Variants in VGLL4 observed in about 807,000 individuals in gnomAD.
The protein encoded by VGLL4 is transcription cofactor vestigial-like protein 4.
A neutral mutation model predicts 21.0 loss-of-function variants in VGLL4; 7 were observed. The ratio of observed to expected loss-of-function variants is 0.33; its 90% CI spans 0.19 to 0.63. The LOEUF (loss-of-function observed/expected upper bound fraction) is 0.63. VGLL4 is among the 20% of genes least tolerant of loss of function. The probability of loss-of-function intolerance (pLI) is 0.78; values close to 1 mark genes in which losing one functional copy is unlikely to be tolerated. For missense variants in VGLL4, 394 were observed against 425.7 expected (o/e 0.93, Z 0.66); for synonymous variants, 222 against 173.2 (o/e 1.28, Z -2.21).
intron 2 of VGLL4, among the ~76,000 whole-genome samples, chr3:11,576,280 T>C (rs1016855741): frequency 6.6e-6 from 1 of 152,216 alleles, no homozygotes; most frequent in African/African-American, 2.4e-5. Flanking sequence ...AAAACAGATG[T>C]GTCCCACATT....
intron 1 of VGLL4, among the ~76,000 whole-genome samples, chr3:11,614,188 T>C (rs1466965568): frequency 6.6e-6 from 1 of 152,226 alleles, no homozygotes; most frequent in African/African-American, 2.4e-5. Context: ...TCTCTGCCAA[T>C]GCATACTCAT....
upstream of VGLL4, among the ~76,000 whole-genome samples, chr3:11,645,427 A>G (rs2075774644): frequency 6.8e-6 from 1 of 146,700 alleles, no homozygotes; most frequent in Admixed American, 6.9e-5. Context: ...CGTCTCTACT[A>G]AAAATACAGA....
chr3:11,655,987 C>A (rs982020391), intron 2 of VGLL4, among the ~76,000 whole-genome samples: 1 of 152,186 alleles, frequency 6.6e-6, no homozygotes, highest in Non-Finnish European at 1.5e-5. Flanking sequence ...AGAATCTAAG[C>A]TGGGAACAGA....
rs761577206 is a variant in VGLL4 at position 11,568,557 on chromosome 3, G to C, written c.273-3538C>G. 3 of 1,552,040 alleles carry C rather than the reference G, an allele frequency of 1.9e-6. No homozygotes were observed. The South Asian group carries it at 3.6e-5, about 18-fold the overall frequency. Reference sequence around the variant, plus strand: ...AAGACACTGAAAACAGCGAGAAAAGGCCTGGAGAACTGGCTGGTTAATTTT... The same window carrying C: ...AAGACACTGAAAACAGCGAGAAAAGCCCTGGAGAACTGGCTGGTTAATTTT... On this transcript the variant is annotated intron_variant, in intron 2 of 4. Coordinates refer to ENST00000430365, the MANE Select transcript of VGLL4 (RefSeq NM_001128219.3). The surrounding 1 kb of genome is among the most constrained non-coding windows in gnomAD (Gnocchi z 5.9).
chr3:11,605,048 C>T lies in VGLL4; in HGVS notation c.83-3026G>A, dbSNP rs373874248. Among the ~76,000 whole-genome samples the T allele has an allele frequency of 1.0e-4, 9 of 88,408 alleles. No homozygotes were observed. The South Asian group carries it at 1.2e-3, about 12-fold the overall frequency. The allele number at this position is 88,408 out of a possible 152,430, so 58.0% of individuals were successfully genotyped here. A position where few individuals can be genotyped will look rare whatever the true frequency, so the allele number is the denominator to read the frequency against. Reference sequence around the variant, plus strand: ...CTGCTTTCCATCGCCCGCCACGCCCCCGCCCACCCCCAATCCTCCACAGCT... The same window carrying T: ...CTGCTTTCCATCGCCCGCCACGCCCTCGCCCACCCCCAATCCTCCACAGCT... On this transcript the variant is annotated intron_variant, in intron 1 of 4. Transcript: ENST00000430365.
rs1185996783 is a variant in VGLL4 at position 11,653,643 on chromosome 3, T to C, written c.64+49328A>G. Reference sequence around the variant, plus strand: ...TCGGAATGCATTTCTGTCGCACATGTACTCAGAAGCAGATACGCAGAAAGT... The same window carrying C: ...TCGGAATGCATTTCTGTCGCACATGCACTCAGAAGCAGATACGCAGAAAGT... On this transcript the variant is annotated intron_variant, in intron 2 of 5. Coordinates refer to the VGLL4 transcript ENST00000273038. The surrounding 1 kb of genome is among the most constrained non-coding windows in gnomAD (Gnocchi z 4.2). Among the ~76,000 whole-genome samples, 1 of 152,220 alleles carries C rather than the reference T, an allele frequency of 6.6e-6. No individual in the cohort carries two copies. Among genetic ancestry groups the C allele is most frequent in the Non-Finnish European group, 1.5e-5 (1 of 68,044 alleles).
chr3:11,589,363 T>C (rs2074432049), intron 2 of VGLL4, among the ~76,000 whole-genome samples: 1 of 152,126 alleles, frequency 6.6e-6, no homozygotes, highest in South Asian at 2.1e-4. Context: ...TTCTCTGGCC[T>C]CAGTGAATTT....
At chr3:11,667,538 T>C (rs2076144477) in intron 2 of VGLL4, among the ~76,000 whole-genome samples, 1 of 152,214 alleles carries the variant, frequency 6.6e-6, no homozygotes, top group African/African-American at 2.4e-5. Flanking sequence ...TATATCACCA[T>C]TTAGGACCTA....
intron 1 of VGLL4, among the ~76,000 whole-genome samples, chr3:11,632,077 C>T (rs923461670): frequency 1.3e-5 from 2 of 152,164 alleles, no homozygotes; most frequent in African/African-American, 2.4e-5. Context: ...CATCCCAGCA[C>T]TTTGGGCAGG....
At chr3:11,665,378 G>A (rs2076105577) in intron 2 of VGLL4, among the ~76,000 whole-genome samples, 1 of 152,140 alleles carries the variant, frequency 6.6e-6, no homozygotes, top group African/African-American at 2.4e-5. Flanking sequence ...CTCCCAAAGT[G>A]CTGGGATTAC....
At chr3:11,580,629 G>C (rs2074197991) in intron 2 of VGLL4, among the ~76,000 whole-genome samples, 1 of 152,186 alleles carries the variant, frequency 6.6e-6, no homozygotes, top group South Asian at 2.1e-4. Context: ...CTCTCTACTA[G>C]AGAAAAATTA....
intron 1 of VGLL4, among the ~76,000 whole-genome samples, chr3:11,624,374 C>A (rs2075316112): frequency 6.6e-6 from 1 of 152,174 alleles, no homozygotes; most frequent in African/African-American, 2.4e-5. Context: ...TCTCAGTACT[C>A]ACATCCACTC....
intron 1 of VGLL4, chr3:11,627,230 A>ACACACACTCTCTCTCTCTCTCTCTCTCT (rs1491347863): frequency 8.1e-6 from 1 of 123,270 alleles, no homozygotes; most frequent in African/African-American, 3.3e-5. Flanking sequence ...ACACACACAC[A>ACACACACTCTCTCTCTCTCTCTCTCTCT]CTCTCTCTCT....
intron 2 of VGLL4, among the ~76,000 whole-genome samples, chr3:11,694,233 T>G (rs2076573227): frequency 6.6e-6 from 1 of 152,230 alleles, no homozygotes. Context: ...TTTTTAAAAT[T>G]TGACATAAGC....
At position 11,557,504 on chromosome 3, in the gene VGLL4, C is replaced by T. The variant is rs1230282983; in HGVS notation, c.*1052G>A. 7.2e-5 allele frequency: 11 copies of T among 152,636 alleles called. No homozygotes were observed. The highest frequency in any genetic ancestry group is 4.1e-4 in the South Asian group (2 of 4,822). The allele number at this position is 152,636 out of a possible 1,614,324, so 9.5% of individuals were successfully genotyped here. A position where few individuals can be genotyped will look rare whatever the true frequency, so the allele number is the denominator to read the frequency against. ...GCAGCCAAACTCCAGCATCCCACAC[C>T]GCAGCTGACCCACTGCTCATCGCGA... On this transcript the variant is annotated 3_prime_UTR_variant, in exon 5 of 5. Transcript: ENST00000430365.
chr3:11,682,655 T>C (rs913063113), intron 2 of VGLL4, among the ~76,000 whole-genome samples: 1 of 151,834 alleles, frequency 6.6e-6, no homozygotes. Context: ...GTACCAGGAG[T>C]AGTTACAAGG....
chr3:11,561,404 C>T (rs1317171785), intron 3 of VGLL4, among the ~76,000 whole-genome samples: 2 of 152,204 alleles, frequency 1.3e-5, no homozygotes, highest in African/African-American at 4.8e-5. Flanking sequence ...CATCTCCTGA[C>T]CTGAGCTGGG....
chr3:11,715,773 T>C (rs1436571336), intron 1 of VGLL4, among the ~76,000 whole-genome samples: 1 of 152,212 alleles, frequency 6.6e-6, no homozygotes, highest in Non-Finnish European at 1.5e-5. Context: ...AACTGATCAA[T>C]ACACAACCTT....
chr3:11,585,767 C>T (rs2074348008), intron 2 of VGLL4, among the ~76,000 whole-genome samples: 1 of 152,218 alleles, frequency 6.6e-6, no homozygotes, highest in South Asian at 2.1e-4. Flanking sequence ...ATCTTGCATT[C>T]CAAATCTTCT....
Sources: gnomAD v4.1 joint callset for allele counts (sites outside exome capture counted in the v4.1 genomes callset) on GRCh38, gnomAD v4.1.1 for gene constraint, Gnocchi (gnomAD v3.1) non-coding constraint, MANE v1.5 for transcripts, NCBI Gene and HGNC (gene_info 2026-07-23, HGNC 2026-07-21) for gene names.